IL1RAPL1: variants seen among roughly 807,000 people sequenced by gnomAD.
IL1RAPL1 encodes interleukin 1 receptor accessory protein like 1, also known as interleukin-1 receptor accessory protein-like 1.
IL1RAPL1 carries 3 observed loss-of-function variants against 48.4 expected under a neutral mutation model. That is an observed-to-expected ratio of 0.06 (90% CI 0.03 to 0.16). The LOEUF (loss-of-function observed/expected upper bound fraction) is 0.16. Among genes scored for constraint, IL1RAPL1 ranks in the 10% least tolerant of loss-of-function variants. The pLI, the probability that IL1RAPL1 is intolerant of heterozygous loss-of-function variation, is 1.00. For synonymous variants in IL1RAPL1, 185 were observed against 187.7 expected (o/e 0.99, Z 0.12); for missense variants, 349 against 530.6 (o/e 0.66, Z 3.36).
intron 1 of IL1RAPL1, among the ~76,000 whole-genome samples, chrX:28,762,269 A>G (rs771227109): frequency 1.4e-4 from 16 of 112,002 alleles, no homozygotes; most frequent in African/African-American, 4.8e-4. Flanking sequence ...TGGAAATATA[A>G]TTGCCATGAA....
At chrX:28,797,472 A>G (rs762662583) in intron 2 of IL1RAPL1, among the ~76,000 whole-genome samples, 67 of 111,503 alleles carry the variant, frequency 6.0e-4, no homozygotes, top group Non-Finnish European at 9.2e-4. Context: ...CTTCCGCTAG[A>G]TACCCTAAAT....
intron 1 of IL1RAPL1, among the ~76,000 whole-genome samples, chrX:28,670,665 G>T (rs1934938913): frequency 8.9e-6 from 1 of 111,760 alleles, no homozygotes; most frequent in African/African-American, 3.3e-5. Context: ...TCAACCAAAG[G>T]CATGTGTATA....
chrX:29,622,892 C>CT (rs949798560), intron 5 of IL1RAPL1, among the ~76,000 whole-genome samples: 83 of 110,814 alleles, frequency 7.5e-4, no homozygotes, highest in African/African-American at 2.7e-3. Flanking sequence ...ATATGAATAT[C>CT]TTTTTTTAGT....
intron 6 of IL1RAPL1, among the ~76,000 whole-genome samples, chrX:29,680,642 C>A (rs1362934532): frequency 8.9e-6 from 1 of 111,733 alleles, no homozygotes; most frequent in Non-Finnish European, 1.9e-5. Context: ...TTTTCATATT[C>A]CATATTCAAT....
chrX:28,963,543 T>C (rs917404604), intron 2 of IL1RAPL1, among the ~76,000 whole-genome samples: 2 of 111,440 alleles, frequency 1.8e-5, no homozygotes, highest in African/African-American at 6.5e-5. Context: ...TTCTGATATA[T>C]TCTTTTATGC....
chrX:29,248,854 G>A (rs749498477), intron 2 of IL1RAPL1, among the ~76,000 whole-genome samples: 6 of 111,755 alleles, frequency 5.4e-5, no homozygotes, highest in African/African-American at 9.8e-5. Flanking sequence ...CATTCATGCC[G>A]TTGTGTGTCT....
At chrX:29,006,640 T>TAC (rs1971045017) in intron 2 of IL1RAPL1, among the ~76,000 whole-genome samples, 1 of 88,948 alleles carries the variant, frequency 1.1e-5, no homozygotes, top group Non-Finnish European at 2.2e-5. Flanking sequence ...TGTGTGTGTT[T>TAC]ATATATATGT....
intron 8 of IL1RAPL1, among the ~76,000 whole-genome samples, chrX:29,927,966 C>T (rs375122860): frequency 1.3e-5 from 1 of 75,269 alleles, no homozygotes; most frequent in Non-Finnish European, 2.7e-5. Context: ...AAGGAAAGAC[C>T]ATAGACCATA....
At chrX:29,917,433 T>C (rs753934234) in intron 6 of IL1RAPL1, 31 bp from the exon 7 acceptor site, 1 of 1,199,339 alleles carries the variant, frequency 8.3e-7, no homozygotes, top group South Asian at 1.8e-5. Context: ...CAAATAGTTT[T>C]ATAACACTTT....
At chrX:29,502,163 A>C (rs1346552625) in intron 5 of IL1RAPL1, among the ~76,000 whole-genome samples, 1 of 110,779 alleles carries the variant, frequency 9.0e-6, no homozygotes, top group Non-Finnish European at 1.9e-5. Flanking sequence ...ATTCATATTT[A>C]TTTGGTTTTT....
At chrX:29,608,691 T>C (rs1208697795) in intron 5 of IL1RAPL1, among the ~76,000 whole-genome samples, 3 of 99,601 alleles carry the variant, frequency 3.0e-5, no homozygotes, top group African/African-American at 1.2e-4. Context: ...CCGGGCGTGG[T>C]GGCGGGCGCC....
At chrX:29,374,295 T>G (rs1240286889) in intron 3 of IL1RAPL1, among the ~76,000 whole-genome samples, 2 of 95,221 alleles carry the variant, frequency 2.1e-5, no homozygotes, top group Non-Finnish European at 4.1e-5. Flanking sequence ...GCTTTTTTTT[T>G]TTTTTTTTTT....
intron 2 of IL1RAPL1, among the ~76,000 whole-genome samples, chrX:29,045,950 C>T (rs866274823): frequency 1.4e-5 from 1 of 72,237 alleles, no homozygotes; most frequent in Non-Finnish European, 2.5e-5. Context: ...CTTCCTCCTC[C>T]TCCTCCTCCT....
At chrX:29,060,127 G>T (rs1927309526) in intron 2 of IL1RAPL1, among the ~76,000 whole-genome samples, 1 of 111,815 alleles carries the variant, frequency 8.9e-6, no homozygotes. Context: ...TTATAGACTT[G>T]GTAGGGTGTT....
At chrX:29,562,461 G>C (rs764990109) in intron 5 of IL1RAPL1, among the ~76,000 whole-genome samples, 1 of 110,891 alleles carries the variant, frequency 9.0e-6, no homozygotes, top group South Asian at 3.8e-4. Context: ...GCAGCAGAGA[G>C]TGTTAAGCTT....
At chrX:28,938,368 C>T (rs772889963) in intron 2 of IL1RAPL1, among the ~76,000 whole-genome samples, 1 of 110,650 alleles carries the variant, frequency 9.0e-6, no homozygotes, top group African/African-American at 3.3e-5. Context: ...GGCTATATAC[C>T]TAAAACCATC....
At chrX:28,588,850 G>A (rs756081254) in intron 1 of IL1RAPL1, among the ~76,000 whole-genome samples, 1 of 111,910 alleles carries the variant, frequency 8.9e-6, no homozygotes, top group East Asian at 2.8e-4. Context: ...TGAGACCCAC[G>A]TGCAGGGGAG....
chrX:29,908,200 A>AGGCTGAG (rs2147231914), intron 6 of IL1RAPL1, among the ~76,000 whole-genome samples: 1 of 110,160 alleles, frequency 9.1e-6, no homozygotes, highest in Admixed American at 9.8e-5. Context: ...GGGTTGCAAT[A>AGGCTGAG]GGCTGAGGTA....
intron 6 of IL1RAPL1, among the ~76,000 whole-genome samples, chrX:29,690,099 A>G (rs182793043): frequency 8.9e-6 from 1 of 111,939 alleles, no homozygotes; most frequent in Admixed American, 9.5e-5. Context: ...GACTAATGCT[A>G]AGTAAAGTTG....
Sources: gnomAD v4.1 joint callset for allele counts (sites outside exome capture counted in the v4.1 genomes callset) on GRCh38, gnomAD v4.1.1 for gene constraint, MANE v1.5 for transcripts, NCBI Gene and HGNC (gene_info 2026-07-23, HGNC 2026-07-21) for gene names.